Variants in LUZP2 observed in about 807,000 individuals in gnomAD.
The protein encoded by LUZP2 is leucine zipper protein 2.
A neutral mutation model predicts 51.6 loss-of-function variants in LUZP2; 52 were observed. That is an observed-to-expected ratio of 1.01 (90% confidence interval 0.81 to 1.27). The LOEUF is 1.27. Ranked by LOEUF, LUZP2 falls within the 50% of genes most tolerant of loss-of-function variation. The pLI is 0.00. For synonymous variants in LUZP2, 154 were observed against 137.3 expected, an observed-to-expected ratio of 1.12 and a Z score of -0.85; for missense variants, 436 against 395.4, an observed-to-expected ratio of 1.10 and a Z score of -0.87.
intron 5 of LUZP2, among the ~76,000 whole-genome samples, chr11:24,784,945 A>C (rs1849199883): frequency 6.6e-6 from 1 of 152,096 alleles, no homozygotes; most frequent in African/African-American, 2.4e-5. Context: ...TCCAGATATT[A>C]GAATTCACTT....
intron 5 of LUZP2, among the ~76,000 whole-genome samples, chr11:24,886,409 G>A (rs1020398581): frequency 7.9e-5 from 12 of 152,084 alleles, no homozygotes; most frequent in African/African-American, 2.9e-4. Context: ...CTCCTTCCAT[G>A]TTGGAAGTCT....
chr11:24,730,407 CAA>C (rs55796736), intron 2 of LUZP2, among the ~76,000 whole-genome samples: 25 of 147,316 alleles, frequency 1.7e-4, no homozygotes, highest in African/African-American at 3.2e-4. Flanking sequence ...GAAACGAGAG[CAA>C]AAAAAAAAAA....
chr11:24,880,362 T>C (rs1186338669), intron 5 of LUZP2, among the ~76,000 whole-genome samples: 1 of 151,772 alleles, frequency 6.6e-6, no homozygotes, highest in African/African-American at 2.4e-5. Flanking sequence ...ACTGTTTTCC[T>C]ACTTCTTCGG....
intron 5 of LUZP2, chr11:24,891,235 T>C: frequency 1.0e-6 from 1 of 984,886 alleles, no homozygotes; most frequent in Non-Finnish European, 1.2e-6. Flanking sequence ...TAAGGCAATT[T>C]AGCATTTCCA....
chr11:24,735,910 C>T (rs1011883284), intron 3 of LUZP2, among the ~76,000 whole-genome samples: 9 of 151,842 alleles, frequency 5.9e-5, no homozygotes, highest in Admixed American at 2.0e-4. Context: ...AGGAGGATAA[C>T]TTAGCAAGTC....
intron 5 of LUZP2, among the ~76,000 whole-genome samples, chr11:24,849,535 C>G (rs1225244601): frequency 6.6e-6 from 1 of 152,112 alleles, no homozygotes; most frequent in Non-Finnish European, 1.5e-5. Context: ...CATTCATGGG[C>G]ATTTGGGTTG....
At chr11:24,904,537 C>T (rs1853385002) in intron 5 of LUZP2, among the ~76,000 whole-genome samples, 1 of 152,172 alleles carries the variant, frequency 6.6e-6, no homozygotes, top group African/African-American at 2.4e-5. Flanking sequence ...CCCGCCTCAG[C>T]CTCCCAAAGT....
intron 9 of LUZP2, among the ~76,000 whole-genome samples, chr11:25,027,593 C>T (rs749266295): frequency 5.9e-5 from 9 of 151,988 alleles, no homozygotes; most frequent in African/African-American, 2.2e-4. Flanking sequence ...GCATTTAGGT[C>T]GGGCACAGTG....
chr11:24,739,107 C>G (rs1247530708), intron 4 of LUZP2, among the ~76,000 whole-genome samples: 1 of 152,104 alleles, frequency 6.6e-6, no homozygotes, highest in African/African-American at 2.4e-5. Flanking sequence ...AGCTGCACAC[C>G]ACAGAGGGGC....
chr11:24,663,336 A>G (rs1050313370), intron 1 of LUZP2, among the ~76,000 whole-genome samples: 2 of 152,108 alleles, frequency 1.3e-5, no homozygotes, highest in South Asian at 4.1e-4. Context: ...CTGCTCCATC[A>G]TCATAAGACA....
intron 4 of LUZP2, among the ~76,000 whole-genome samples, chr11:24,760,682 GTGT>G (rs2134027475): frequency 6.6e-6 from 1 of 152,274 alleles, no homozygotes; most frequent in East Asian, 1.9e-4. Context: ...GTGTTAACAG[GTGT>G]TGTAAAACTT....
At chr11:24,845,969 A>G (rs1295111679) in intron 5 of LUZP2, among the ~76,000 whole-genome samples, 1 of 152,150 alleles carries the variant, frequency 6.6e-6, no homozygotes, top group Non-Finnish European at 1.5e-5. Flanking sequence ...TTTACTTAAC[A>G]TGCTATAATA....
intron 7 of LUZP2, among the ~76,000 whole-genome samples, chr11:24,928,374 T>A (rs1175812725): frequency 2.0e-5 from 3 of 152,016 alleles, no homozygotes; most frequent in Admixed American, 2.0e-4. Flanking sequence ...TCCTCATAGA[T>A]GGCTTTTATT....
chr11:24,825,411 C>G (rs1850493894), intron 5 of LUZP2, among the ~76,000 whole-genome samples: 1 of 152,150 alleles, frequency 6.6e-6, no homozygotes, highest in African/African-American at 2.4e-5. Flanking sequence ...TTCCCCTCTT[C>G]TGATCCTCTC....
intron 1 of LUZP2, among the ~76,000 whole-genome samples, chr11:24,583,400 C>T (rs1359324588): frequency 1.3e-5 from 2 of 152,084 alleles, no homozygotes; most frequent in African/African-American, 2.4e-5. Flanking sequence ...AGAAGGTCAA[C>T]TTTAAGAGAC....
intron 5 of LUZP2, among the ~76,000 whole-genome samples, chr11:24,849,134 C>CT (rs34896721): frequency 0.59 from 90,114 of 151,826 alleles, 27,900 homozygotes; most frequent in Middle Eastern, 0.7. Context: ...TTTGATATAT[C>CT]TTTTTTATTA....
intron 1 of LUZP2, among the ~76,000 whole-genome samples, chr11:24,507,123 A>C (rs919894888): frequency 6.6e-6 from 1 of 152,092 alleles, no homozygotes; most frequent in Non-Finnish European, 1.5e-5. Context: ...AGTTTCTCCA[A>C]GTATGCTCCT....
chr11:24,574,228 C>T (rs369445735), intron 1 of LUZP2, among the ~76,000 whole-genome samples: 422 of 1,712 alleles, frequency 0.25, 19 homozygotes, highest in Non-Finnish European at 0.4. Flanking sequence ...TTCTTTCTTT[C>T]TTTCTTTCTT....
chr11:25,059,488 T>C (rs528580044), intron 10 of LUZP2, among the ~76,000 whole-genome samples: 13 of 152,300 alleles, frequency 8.5e-5, no homozygotes, highest in African/African-American at 2.4e-4. Context: ...TACTACTTTA[T>C]TTCCATAAAT....
Sources: allele counts gnomAD v4.1 joint callset (sites outside exome capture counted in the v4.1 genomes callset), GRCh38; gene constraint gnomAD v4.1.1; transcripts MANE v1.5; gene names NCBI Gene and HGNC (gene_info 2026-07-23, HGNC 2026-07-21).